LRRTM4: variants seen among roughly 807,000 people sequenced by gnomAD.
The protein encoded by LRRTM4 is leucine rich repeat transmembrane neuronal 4.
LRRTM4 carries 25 observed loss-of-function variants against 47.6 expected under a neutral mutation model. That is an observed-to-expected ratio of 0.53 (90% confidence interval 0.38 to 0.73). The LOEUF (loss-of-function observed/expected upper bound fraction) is 0.73, where lower values mean the gene tolerates loss of function less well. LRRTM4 is among the 30% of genes least tolerant of loss of function. The pLI is 0.00. For missense variants in LRRTM4, 638 were observed against 713.4 expected (o/e 0.89, Z 1.20); for synonymous variants, 311 against 269.5 (o/e 1.15, Z -1.51).
At chr2:76,944,659 G>A (rs17013382) in intron 3 of LRRTM4, among the ~76,000 whole-genome samples, 37 of 152,024 alleles carry the variant, frequency 2.4e-4, no homozygotes, top group Non-Finnish European at 1.9e-4. Flanking sequence ...TTTAAAACTC[G>A]TCTGCTCTCT....
chr2:77,412,820 A>G (rs1298486982), intron 3 of LRRTM4, among the ~76,000 whole-genome samples: 1 of 152,242 alleles, frequency 6.6e-6, no homozygotes, highest in Non-Finnish European at 1.5e-5. Context: ...CATATTGGAT[A>G]GTAAATTTAA....
At chr2:77,503,221 T>C (rs1428718589) in intron 3 of LRRTM4, among the ~76,000 whole-genome samples, 1 of 151,534 alleles carries the variant, frequency 6.6e-6, no homozygotes, top group Non-Finnish European at 1.5e-5. Context: ...GGAGACTAAA[T>C]AGGACAAAAA....
intron 3 of LRRTM4, among the ~76,000 whole-genome samples, chr2:77,305,198 A>T (rs1677239635): frequency 6.6e-6 from 1 of 152,032 alleles, no homozygotes; most frequent in Non-Finnish European, 1.5e-5. Context: ...TCAACACCAA[A>T]ACATCAATTA....
At chr2:77,003,067 GTTTATT>G (rs1287815918) in intron 3 of LRRTM4, among the ~76,000 whole-genome samples, 4 of 151,766 alleles carry the variant, frequency 2.6e-5, no homozygotes, top group Non-Finnish European at 4.4e-5. Context: ...TATAATTTCT[GTTTATT>G]TTTAATTTTT....
At chr2:76,786,230 T>TA (rs2104181273) in intron 3 of LRRTM4, among the ~76,000 whole-genome samples, 1 of 152,188 alleles carries the variant, frequency 6.6e-6, no homozygotes, top group South Asian at 2.1e-4. Flanking sequence ...CATGAACGAT[T>TA]AAAAATAAGG....
At chr2:76,881,703 G>C (rs1672934903) in intron 3 of LRRTM4, among the ~76,000 whole-genome samples, 1 of 151,666 alleles carries the variant, frequency 6.6e-6, no homozygotes, top group African/African-American at 2.4e-5. Context: ...TAGCTAAGAT[G>C]AAAAAAAGTA....
chr2:76,912,329 C>T (rs1306885293), intron 3 of LRRTM4, among the ~76,000 whole-genome samples: 1 of 152,092 alleles, frequency 6.6e-6, no homozygotes, highest in Non-Finnish European at 1.5e-5. Flanking sequence ...TAAATGTAGT[C>T]CTGTAAAAAT....
chr2:77,104,976 C>A (rs992831847), intron 3 of LRRTM4, among the ~76,000 whole-genome samples: 1 of 151,230 alleles, frequency 6.6e-6, no homozygotes, highest in East Asian at 2.0e-4. Context: ...CAAGAGAGTT[C>A]AAGAAAAGCC....
At chr2:77,153,248 A>G (rs1271675336) in intron 3 of LRRTM4, among the ~76,000 whole-genome samples, 7 of 152,162 alleles carry the variant, frequency 4.6e-5, no homozygotes, top group East Asian at 3.9e-4. Flanking sequence ...CTTAATAGTC[A>G]TCTGTGTGCT....
chr2:77,171,058 C>T (rs996247302), intron 3 of LRRTM4, among the ~76,000 whole-genome samples: 3 of 151,736 alleles, frequency 2.0e-5, no homozygotes, highest in Non-Finnish European at 2.9e-5. Flanking sequence ...TTAGTACACA[C>T]ACACATACAT....
chr2:76,825,197 A>G (rs1221395282), intron 3 of LRRTM4, among the ~76,000 whole-genome samples: 3 of 151,718 alleles, frequency 2.0e-5, no homozygotes, highest in Non-Finnish European at 4.4e-5. Context: ...GGAAAGAAAC[A>G]TAATCTGCTT....
At chr2:77,035,836 C>T (rs867288973) in intron 3 of LRRTM4, among the ~76,000 whole-genome samples, 6 of 151,848 alleles carry the variant, frequency 4.0e-5, no homozygotes, top group Middle Eastern at 3.4e-3. Flanking sequence ...CTACTAAATA[C>T]GTACCACAAT....
intron 3 of LRRTM4, among the ~76,000 whole-genome samples, chr2:77,300,214 T>C (rs1162620694): frequency 6.6e-6 from 1 of 152,126 alleles, no homozygotes; most frequent in Non-Finnish European, 1.5e-5. Context: ...AGCAATGACT[T>C]CTAGGAAACA....
intron 3 of LRRTM4, among the ~76,000 whole-genome samples, chr2:76,922,174 T>A (rs1390954735): frequency 6.6e-6 from 1 of 152,138 alleles, no homozygotes; most frequent in African/African-American, 2.4e-5. Context: ...ATCTCACTTA[T>A]ACATGTATAT....
At chr2:76,852,012 A>G (rs1170363103) in intron 3 of LRRTM4, among the ~76,000 whole-genome samples, 1 of 152,138 alleles carries the variant, frequency 6.6e-6, no homozygotes, top group Non-Finnish European at 1.5e-5. Context: ...TGTACATTAA[A>G]GACTCAAGGA....
chr2:77,270,924 A>G (rs1365491675), intron 3 of LRRTM4, among the ~76,000 whole-genome samples: 2 of 152,054 alleles, frequency 1.3e-5, no homozygotes, highest in Non-Finnish European at 2.9e-5. Flanking sequence ...GCTTTTTTGC[A>G]TATTCAAAAA....
intron 3 of LRRTM4, among the ~76,000 whole-genome samples, chr2:77,373,132 A>G (rs1672714312): frequency 6.7e-6 from 1 of 148,178 alleles, no homozygotes; most frequent in Non-Finnish European, 1.5e-5. Context: ...TATATACTAT[A>G]TATATAAACT....
chr2:77,026,233 G>T (rs1050106852), intron 3 of LRRTM4, among the ~76,000 whole-genome samples: 2 of 152,042 alleles, frequency 1.3e-5, no homozygotes, highest in African/African-American at 4.8e-5. Context: ...TGTTGCAGGG[G>T]CCATTTGAAG....
intron 3 of LRRTM4, among the ~76,000 whole-genome samples, chr2:77,400,550 C>G (rs1673910658): frequency 6.6e-6 from 1 of 151,852 alleles, no homozygotes; most frequent in South Asian, 2.1e-4. Flanking sequence ...TGCTCTATTT[C>G]TCCACAGATT....
Sources: gnomAD v4.1 joint callset for allele counts (sites outside exome capture counted in the v4.1 genomes callset) on GRCh38, gnomAD v4.1.1 for gene constraint, MANE v1.5 for transcripts, NCBI Gene and HGNC (gene_info 2026-07-23, HGNC 2026-07-21) for gene names.